The following CEP170 variants were observed in gnomAD, a reference collection of about 807,000 sequenced individuals.
The protein encoded by CEP170 is centrosomal protein 170.
In CEP170, 21 loss-of-function variants were observed where a neutral mutation model predicts 151.9. The ratio of observed to expected loss-of-function variants is 0.14; its 90% CI spans 0.10 to 0.20. The LOEUF (loss-of-function observed/expected upper bound fraction) is 0.20, where lower values mean the gene tolerates loss of function less well. Among genes scored for constraint, CEP170 ranks in the 10% least tolerant of loss-of-function variants. The pLI, the probability that CEP170 is intolerant of heterozygous loss-of-function variation, is 1.00. For synonymous variants in CEP170, 356 were observed against 648.8 expected (o/e 0.55, Z 6.86); for missense variants, 964 against 1,892.9 (o/e 0.51, Z 9.11).
chr1:243,170,130 G>A (rs1189823990), intron 11 of CEP170, among the ~76,000 whole-genome samples: 2 of 152,226 alleles, frequency 1.3e-5, no homozygotes, highest in African/African-American at 4.8e-5. Context: ...GTTGATGCCT[G>A]TAATCCCAGT....
chr1:243,148,114 G>C (rs1287030917), intron 14 of CEP170, among the ~76,000 whole-genome samples: 5 of 152,036 alleles, frequency 3.3e-5, no homozygotes. Flanking sequence ...GGGAGGTGGA[G>C]GTTGCAGTGA....
At chr1:243,152,743 G>A (rs1262536491) in intron 14 of CEP170, among the ~76,000 whole-genome samples, 17 of 143,208 alleles carry the variant, frequency 1.2e-4, no homozygotes, top group East Asian at 1.1e-3. Context: ...GTGTTAGCCA[G>A]GATGGTCTCT....
At chr1:243,161,520 A>C (rs1246696461) in intron 13 of CEP170, among the ~76,000 whole-genome samples, 1 of 152,140 alleles carries the variant, frequency 6.6e-6, no homozygotes, top group African/African-American at 2.4e-5. Context: ...CCAAGGCTGG[A>C]ATGCAGTAGT....
At chr1:243,150,517 G>A (rs2056961379) in intron 14 of CEP170, among the ~76,000 whole-genome samples, 1 of 152,148 alleles carries the variant, frequency 6.6e-6, no homozygotes, top group Non-Finnish European at 1.5e-5. Context: ...GTTTTTACTA[G>A]GAGGACAAAA....
intron 1 of CEP170, among the ~76,000 whole-genome samples, chr1:243,250,133 C>T (rs960686479): frequency 1.3e-5 from 2 of 152,144 alleles, no homozygotes; most frequent in African/African-American, 4.8e-5. Flanking sequence ...AAAACCCATC[C>T]GAATGGTTTT....
chr1:243,181,912 T>G (rs576521574), intron 10 of CEP170, among the ~76,000 whole-genome samples: 9 of 152,158 alleles, frequency 5.9e-5, no homozygotes, highest in Non-Finnish European at 1.2e-4. Context: ...ACCCTATACA[T>G]TTTCTCTGAT....
chr1:243,127,981 A>C lies in CEP170; in HGVS notation c.4465+268T>G, dbSNP rs191500499. On this transcript the variant is annotated intron_variant, in intron 19 of 19. Coordinates refer to ENST00000366542, the MANE Select transcript of CEP170 (RefSeq NM_014812.3). ...CATATTATTTATATGTAATACATAAAAAATTTCAATTAGTTTATGACATCT... is the reference window on the plus strand; with the variant it reads ...CATATTATTTATATGTAATACATAACAAATTTCAATTAGTTTATGACATCT... Among the ~76,000 whole-genome samples the C allele has an allele frequency of 2.2e-3, 333 of 152,348 alleles. 2 individuals are homozygous for C. The highest frequency in any genetic ancestry group is 7.7e-3 in the African/African-American group (320 of 41,582).
intron 3 of CEP170, among the ~76,000 whole-genome samples, chr1:243,214,758 C>T (rs1390328555): frequency 1.3e-5 from 2 of 152,116 alleles, no homozygotes; most frequent in East Asian, 3.8e-4. Flanking sequence ...TGCATTCAAA[C>T]AACACTGCCC....
At chr1:243,133,089 C>G (rs1249734152) in intron 17 of CEP170, among the ~76,000 whole-genome samples, 1 of 152,250 alleles carries the variant, frequency 6.6e-6, no homozygotes, top group Non-Finnish European at 1.5e-5. Flanking sequence ...TCATCTCTCA[C>G]CATACTCTGG....
intron 14 of CEP170, among the ~76,000 whole-genome samples, chr1:243,152,071 C>T (rs1368675842): frequency 6.6e-6 from 1 of 152,098 alleles, no homozygotes; most frequent in Admixed American, 6.5e-5. Context: ...ACATACTGCT[C>T]AGAAAAAAAT....
chr1:243,136,385 C>G (rs2055082622), intron 16 of CEP170, 154 bp from the exon 17 acceptor site: 1 of 1,076,998 alleles, frequency 9.3e-7, no homozygotes, highest in South Asian at 1.9e-5. Flanking sequence ...TAATATGTAA[C>G]TAAAATGAGA....
At position 243,142,484 on chromosome 1, in the gene CEP170, G is replaced by T. The variant is rs184859357; in HGVS notation, c.3912-21C>A. ...TGATCCTGGTAATAATTTTAGAAAAGAAGTTTAATCCCTTTTAAATAAACA... is the reference window on the plus strand; with the variant it reads ...TGATCCTGGTAATAATTTTAGAAAATAAGTTTAATCCCTTTTAAATAAACA... On this transcript the variant is annotated intron_variant, in intron 14 of 19. Transcript: ENST00000366542. 3.4e-5 allele frequency: 52 copies of T among 1,546,482 alleles called. No individual in the cohort carries two copies. In the African/African-American group the frequency reaches 5.5e-4, roughly 16 times the overall value.
chr1:243,242,849 C>T (rs750692813), intron 1 of CEP170, among the ~76,000 whole-genome samples: 2 of 152,164 alleles, frequency 1.3e-5, no homozygotes, highest in East Asian at 1.9e-4. Flanking sequence ...TACAGGCATG[C>T]GCCATTGCGC....
intron 17 of CEP170, among the ~76,000 whole-genome samples, chr1:243,134,877 T>C (rs955444035): frequency 6.6e-6 from 1 of 151,978 alleles, no homozygotes; most frequent in Non-Finnish European, 1.5e-5. Flanking sequence ...ACTCATACTC[T>C]TTGGGGAAAG....
chr1:243,139,095 TTTTC>T (rs1558388251), intron 16 of CEP170, among the ~76,000 whole-genome samples: 1 of 151,942 alleles, frequency 6.6e-6, no homozygotes, highest in African/African-American at 2.4e-5. Flanking sequence ...GCCTTAAGTA[TTTTC>T]TTTTTCTTTT....
chr1:243,165,798 T>C lies in CEP170; in HGVS notation c.2162A>G (p.His721Arg), dbSNP rs781551974. The change falls in exon 13 of 20, where the codon CAC (histidine) becomes CGC (arginine). Residue 721 changes from histidine (H) to arginine (R), a missense_variant. By Grantham distance (29) the His-to-Arg change is conservative. Transcript: ENST00000366542. ...TTTTCCAGGAGCAGAGCTGCCTAAG[T>C]GAAGTAGGGTTTTATTATCTCCACC... ...KTGGDNKTLLHLGSSAPGKEK... is the reference protein window; with the variant it reads ...KTGGDNKTLLRLGSSAPGKEK... 5.6e-5 allele frequency: 90 copies of C among 1,613,904 alleles called. 1 individual carries two copies. Among genetic ancestry groups the C allele is most frequent in the South Asian group, 2.2e-4 (20 of 91,086 alleles).
chr1:243,215,123 C>T (rs894897158), intron 3 of CEP170, among the ~76,000 whole-genome samples: 8 of 152,230 alleles, frequency 5.3e-5, no homozygotes, highest in Admixed American at 6.5e-5. Context: ...TATCACTTCC[C>T]CAGTCAATAC....
chr1:243,246,226 CTTTTTTTTT>C (rs774096892), intron 1 of CEP170, among the ~76,000 whole-genome samples: 1 of 109,470 alleles, frequency 9.1e-6, no homozygotes, highest in Non-Finnish European at 1.8e-5. Flanking sequence ...GTGTTGTTTA[CTTTTTTTTT>C]TTTTTTTTTT....
intron 2 of CEP170, among the ~76,000 whole-genome samples, chr1:243,223,296 GA>G (rs544509709): frequency 2.0e-5 from 3 of 152,034 alleles, no homozygotes; most frequent in African/African-American, 7.2e-5. Flanking sequence ...GAAATTCAAA[GA>G]AAAAAATCTA....
Sources: gnomAD v4.1 joint callset for allele counts (sites outside exome capture counted in the v4.1 genomes callset) on GRCh38, gnomAD v4.1.1 for gene constraint, MANE v1.5 for transcripts, NCBI Gene and HGNC (gene_info 2026-07-23, HGNC 2026-07-21) for gene names.